The following TMEM132D variants were observed in gnomAD, a reference collection of about 807,000 sequenced individuals.
TMEM132D encodes transmembrane protein 132D.
Under a neutral mutation model 62.3 loss-of-function variants are expected in TMEM132D, and 21 were observed. The observed-to-expected ratio is 0.34, with a 90% confidence interval of 0.24 to 0.49. TMEM132D has a LOEUF of 0.49. Among genes scored for constraint, TMEM132D ranks in the 20% least tolerant of loss-of-function variants. TMEM132D has a pLI of 0.99. For synonymous variants in TMEM132D, 621 were observed against 575.6 expected (o/e 1.08, Z -1.13); for missense variants, 1,346 against 1,402.8 (o/e 0.96, Z 0.65).
In TMEM132D at chr12:129,844,527, T is replaced by G. The variant is rs1873297791; in HGVS notation, c.79+58734A>C. On this transcript the variant is annotated intron_variant, in intron 1 of 8. Transcript: ENST00000422113. ...AAGATTCCAGCAATTTCACGGATGT[T>G]CATCTGAACAGACAAAGCTCATCGG... is the stretch of plus-strand genomic sequence containing the variant. Among the ~76,000 whole-genome samples, 5 of 152,200 alleles carry G rather than the reference T, an allele frequency of 3.3e-5. No homozygotes were observed. The South Asian group carries it at 1.0e-3, about 32-fold the overall frequency.
chr12:129,794,253 A>AAT (rs758777366), intron 1 of TMEM132D, among the ~76,000 whole-genome samples: 23 of 111,556 alleles, frequency 2.1e-4, no homozygotes, highest in Middle Eastern at 5.9e-3. Context: ...CATGCCCAGC[A>AAT]TTTTTTTTTT....
chr12:129,643,776 G>A (rs78573109), intron 2 of TMEM132D, among the ~76,000 whole-genome samples: 1 of 151,962 alleles, frequency 6.6e-6, no homozygotes, highest in Non-Finnish European at 1.5e-5. Context: ...CTATGACCTG[G>A]AAGGCCCCTC....
intron 3 of TMEM132D, among the ~76,000 whole-genome samples, chr12:129,434,805 T>C (rs900207173): frequency 1.3e-5 from 2 of 152,194 alleles, no homozygotes; most frequent in Non-Finnish European, 2.9e-5. Flanking sequence ...ACATTTGTCA[T>C]TTCTTTGGTG....
At chr12:129,183,251 A>C (rs1004920806) in intron 5 of TMEM132D, among the ~76,000 whole-genome samples, 1 of 152,236 alleles carries the variant, frequency 6.6e-6, no homozygotes, top group African/African-American at 2.4e-5. Context: ...CTACCATACC[A>C]GTCAACACGT....
At chr12:129,391,673 A>G (rs1871293660) in intron 3 of TMEM132D, among the ~76,000 whole-genome samples, 1 of 152,286 alleles carries the variant, frequency 6.6e-6, no homozygotes, top group Admixed American at 6.5e-5. Context: ...AAAAACAAAA[A>G]CAAAAACTCA....
intron 7 of TMEM132D, among the ~76,000 whole-genome samples, chr12:129,080,660 C>G (rs1490407817): frequency 6.6e-6 from 1 of 152,162 alleles, no homozygotes; most frequent in Admixed American, 6.5e-5. Context: ...GGGGCAGCTG[C>G]TGAGTAATAC....
chr12:129,388,412 C>A (rs1301015748), intron 3 of TMEM132D, among the ~76,000 whole-genome samples: 2 of 117,178 alleles, frequency 1.7e-5, no homozygotes, highest in African/African-American at 5.6e-5. Context: ...AATATAAACA[C>A]TAACAGCAAC....
chr12:129,558,910 C>T lies in TMEM132D; in HGVS notation c.969-27705G>A, dbSNP rs116549132. On this transcript the variant is annotated intron_variant, in intron 2 of 8. Coordinates refer to ENST00000422113, the MANE Select transcript of TMEM132D (RefSeq NM_133448.3). Reference sequence around the variant, plus strand: ...TGGCACTCAATTATTGGAACTCCTACGACAAAAACTGTACAGTAATCCGTC... The same window carrying T: ...TGGCACTCAATTATTGGAACTCCTATGACAAAAACTGTACAGTAATCCGTC... Among the ~76,000 whole-genome samples the T allele has an allele frequency of 3.7e-3, 561 of 152,254 alleles. 12 individuals carry two copies. The highest frequency in any genetic ancestry group is 1.4e-3 in the East Asian group (7 of 5,178).
intron 2 of TMEM132D, among the ~76,000 whole-genome samples, chr12:129,546,363 C>T (rs1030047694): frequency 6.6e-6 from 1 of 152,098 alleles, no homozygotes; most frequent in Non-Finnish European, 1.5e-5. Context: ...AAATACATGT[C>T]TGCGTGTGTA....
At chr12:129,226,549 T>C (rs1879485839) in intron 4 of TMEM132D, among the ~76,000 whole-genome samples, 2 of 152,354 alleles carry the variant, frequency 1.3e-5, no homozygotes, top group Admixed American at 1.3e-4. Context: ...GGTCACCTGG[T>C]AACCTAGGAC....
intron 5 of TMEM132D, among the ~76,000 whole-genome samples, chr12:129,092,626 C>T (rs7308781): frequency 0.2 from 30,194 of 151,948 alleles, 3,429 homozygotes; most frequent in Non-Finnish European, 0.25. Flanking sequence ...ACTCAGGAGG[C>T]GGAGGTTGCA....
chr12:129,495,261 A>G (rs1260172931), intron 3 of TMEM132D, among the ~76,000 whole-genome samples: 1 of 152,152 alleles, frequency 6.6e-6, no homozygotes, highest in African/African-American at 2.4e-5. Context: ...CATAAGTATC[A>G]GCAAAACGAG....
chr12:129,552,379 C>A (rs1372483918), intron 2 of TMEM132D, among the ~76,000 whole-genome samples: 1 of 152,116 alleles, frequency 6.6e-6, no homozygotes, highest in Non-Finnish European at 1.5e-5. Context: ...CTGTTTATAT[C>A]CATTATCTAT....
In TMEM132D at chr12:129,872,418, C is replaced by A. The variant is rs189628296; in HGVS notation, c.79+30843G>T. Among the ~76,000 whole-genome samples the A allele has an allele frequency of 3.3e-5, 5 of 152,302 alleles. No individual in the cohort carries two copies. In the East Asian group the frequency reaches 9.7e-4, roughly 29 times the overall value. On this transcript the variant is annotated intron_variant, in intron 1 of 8. Coordinates refer to ENST00000422113, the MANE Select transcript of TMEM132D (RefSeq NM_133448.3). The stretch of plus-strand genomic sequence containing the variant: ...CAGATTAAACATCACGATCCCCTGC[C>A]GTGCATCCCCTGCCTGGGGTCCCCA...
chr12:129,644,817 A>C (rs1399437760), intron 2 of TMEM132D, among the ~76,000 whole-genome samples: 1 of 134,072 alleles, frequency 7.5e-6, no homozygotes, highest in African/African-American at 2.7e-5. Flanking sequence ...TCTCTACTAA[A>C]AATACAAAAA....
intron 2 of TMEM132D, among the ~76,000 whole-genome samples, chr12:129,611,961 C>T (rs1368194055): frequency 2.6e-5 from 4 of 152,168 alleles, no homozygotes; most frequent in African/African-American, 7.2e-5. Flanking sequence ...TCACTCCATC[C>T]AGCTCACAAC....
chr12:129,639,382 T>TAAAAA (rs34476667), intron 2 of TMEM132D, among the ~76,000 whole-genome samples: 1 of 90,512 alleles, frequency 1.1e-5, no homozygotes, highest in Non-Finnish European at 2.1e-5. Context: ...GACTCTGTCT[T>TAAAAA]AAAAAAAAAA....
chr12:129,602,872 C>T (rs1040601555), intron 2 of TMEM132D, among the ~76,000 whole-genome samples: 3 of 152,122 alleles, frequency 2.0e-5, no homozygotes, highest in Non-Finnish European at 2.9e-5. Context: ...AGGAAACTTA[C>T]AACCATAGCA....
At chr12:129,314,246 C>G (rs949795474) in intron 4 of TMEM132D, among the ~76,000 whole-genome samples, 2 of 152,168 alleles carry the variant, frequency 1.3e-5, no homozygotes, top group Non-Finnish European at 2.9e-5. Context: ...TCTGTAGTTT[C>G]AGGTCTTAGG....
Sources: allele counts gnomAD v4.1 joint callset (sites outside exome capture counted in the v4.1 genomes callset), GRCh38; gene constraint gnomAD v4.1.1; transcripts MANE v1.5; gene names NCBI Gene and HGNC (gene_info 2026-07-23, HGNC 2026-07-21).